Variants in TMEM132D observed in about 807,000 individuals in gnomAD.
The protein encoded by TMEM132D is mature OL transmembrane protein.
A neutral mutation model predicts 62.3 loss-of-function variants in TMEM132D; 21 were observed. The ratio of observed to expected loss-of-function variants is 0.34; its 90% CI spans 0.24 to 0.49. The LOEUF is 0.49. Among genes scored for constraint, TMEM132D ranks in the 20% least tolerant of loss-of-function variants. The probability of loss-of-function intolerance (pLI) is 0.99; values close to 1 mark genes in which losing one functional copy is unlikely to be tolerated. For missense variants in TMEM132D, 1,346 were observed against 1,402.8 expected (o/e 0.96, Z 0.65); for synonymous variants, 621 against 575.6 (o/e 1.08, Z -1.13).
rs1286651952 is a variant in TMEM132D, at chr12:129,088,239, C to T, written c.1444-3537G>A. Among the ~76,000 whole-genome samples the T allele has an allele frequency of 6.7e-5, 2 of 29,980 alleles. 1 individual carries two copies. Among genetic ancestry groups the T allele is most frequent in the Non-Finnish European group, 1.2e-4 (2 of 17,188 alleles). 19.7% of individuals were successfully genotyped at this position (29,980 alleles called of 152,430 possible). A position where few individuals can be genotyped will look rare whatever the true frequency, so the allele number is the denominator to read the frequency against. ...TCCATGACCGGGTGTCCTCCATGAC[C>T]GGGGTGTCCTCTATGACTGGGTGTC... On this transcript the variant is annotated intron_variant, in intron 5 of 8. Transcript: ENST00000422113.
At chr12:129,126,402 C>T (rs1283283698) in intron 5 of TMEM132D, among the ~76,000 whole-genome samples, 1 of 150,416 alleles carries the variant, frequency 6.6e-6, no homozygotes, top group Non-Finnish European at 1.5e-5. Flanking sequence ...ATTTTTTGGC[C>T]CCTTCAACCT....
At chr12:129,391,102 TAA>T (rs1490173736) in intron 3 of TMEM132D, among the ~76,000 whole-genome samples, 1 of 152,240 alleles carries the variant, frequency 6.6e-6, no homozygotes, top group Admixed American at 6.5e-5. Flanking sequence ...TCCCTTGTTC[TAA>T]GTCATTCCCA....
chr12:129,736,254 C>T (rs181415647), intron 1 of TMEM132D, among the ~76,000 whole-genome samples: 165 of 152,284 alleles, frequency 1.1e-3, no homozygotes, highest in Admixed American at 2.0e-3. Flanking sequence ...CAGTGTGATA[C>T]TTCTTTTTTA....
intron 1 of TMEM132D, among the ~76,000 whole-genome samples, chr12:129,768,993 C>G (rs1386377841): frequency 6.6e-6 from 1 of 152,152 alleles, no homozygotes; most frequent in Admixed American, 6.5e-5. Flanking sequence ...GCTCCTCGAG[C>G]CCACATCAAG....
intron 4 of TMEM132D, among the ~76,000 whole-genome samples, chr12:129,210,540 G>A (rs1028936015): frequency 5.3e-5 from 8 of 152,088 alleles, no homozygotes; most frequent in African/African-American, 1.4e-4. Flanking sequence ...GGGATGTCCC[G>A]GCTTGCCCCA....
At chr12:129,213,154 T>C (rs1879102211) in intron 4 of TMEM132D, among the ~76,000 whole-genome samples, 1 of 152,186 alleles carries the variant, frequency 6.6e-6, no homozygotes, top group South Asian at 2.1e-4. Flanking sequence ...TCACGACATA[T>C]ATTGTATATT....
At chr12:129,145,357 C>T (rs1341834163) in intron 5 of TMEM132D, among the ~76,000 whole-genome samples, 4 of 152,042 alleles carry the variant, frequency 2.6e-5, no homozygotes, top group South Asian at 4.1e-4. Flanking sequence ...TTTTACTTGG[C>T]GGGTGGGGGG....
intron 2 of TMEM132D, among the ~76,000 whole-genome samples, chr12:129,603,592 A>G (rs1235994554): frequency 6.6e-6 from 1 of 152,248 alleles, no homozygotes; most frequent in Non-Finnish European, 1.5e-5. Context: ...TGGTCATTAG[A>G]GAAATGCAAA....
At chr12:129,278,491 C>G (rs563321693) in intron 4 of TMEM132D, among the ~76,000 whole-genome samples, 1 of 152,124 alleles carries the variant, frequency 6.6e-6, no homozygotes, top group African/African-American at 2.4e-5. Flanking sequence ...TCCATCTTAA[C>G]CCCCGTCTTG....
intron 3 of TMEM132D, among the ~76,000 whole-genome samples, chr12:129,413,265 G>C (rs1000524991): frequency 3.9e-5 from 6 of 152,242 alleles, no homozygotes; most frequent in Admixed American, 2.6e-4. Flanking sequence ...TCTTGTGGTA[G>C]TGAATAAGTC....
chr12:129,418,989 A>C (rs367919347), intron 3 of TMEM132D, among the ~76,000 whole-genome samples: 2 of 152,160 alleles, frequency 1.3e-5, no homozygotes, highest in East Asian at 3.9e-4. Context: ...CTGAGGATGC[A>C]GGGAAGGAAC....
chr12:129,300,189 G>C (rs183954361), intron 4 of TMEM132D, among the ~76,000 whole-genome samples: 1 of 152,274 alleles, frequency 6.6e-6, no homozygotes, highest in African/African-American at 2.4e-5. Flanking sequence ...ACTTAATTAA[G>C]ATGCAGGAGT....
rs774232717 is a variant in TMEM132D, at chr12:129,075,000, A to G, written c.2175T>C (p.Ile725=). The G allele has an allele frequency of 1.2e-6, 2 of 1,613,788 alleles. No homozygotes were observed. Among genetic ancestry groups the G allele is most frequent in the South Asian group, 1.1e-5 (1 of 91,064 alleles). The part of the protein sequence containing the change: ...FSDGSVTPLD[I]YDGKDFSLMA... ...TCAAGGAGAAGTCTTTCCCATCGTAAATATCCAAGGGCGTGACTGAGCCAT... is the reference window on the plus strand; with the variant it reads ...TCAAGGAGAAGTCTTTCCCATCGTAGATATCCAAGGGCGTGACTGAGCCAT... The change falls in exon 9 of 9, where the codon ATT becomes ATC. Residue 725 remains isoleucine, a synonymous_variant. Transcript: ENST00000422113.
In TMEM132D at chr12:129,597,007, G is replaced by A. The variant is rs181093007; in HGVS notation, c.969-65802C>T. ...CTAAATGCTATGTTATGGTTGAAAC[G>A]CAGGTGAGAGTGTGAATACAATATT... On this transcript the variant is annotated intron_variant, in intron 2 of 8. Transcript: ENST00000422113. Among the ~76,000 whole-genome samples, 246 of 152,298 alleles carry A rather than the reference G, an allele frequency of 1.6e-3. 2 individuals are homozygous for A. The highest frequency in any genetic ancestry group is 5.6e-3 in the African/African-American group (234 of 41,564).
At chr12:129,202,813 C>A (rs896442182) in intron 5 of TMEM132D, among the ~76,000 whole-genome samples, 1 of 152,174 alleles carries the variant, frequency 6.6e-6, no homozygotes, top group African/African-American at 2.4e-5. Context: ...TATTACACCT[C>A]CAGGGAAAAC....
At chr12:129,615,392 A>T (rs1387685621) in intron 2 of TMEM132D, among the ~76,000 whole-genome samples, 2 of 151,906 alleles carry the variant, frequency 1.3e-5, no homozygotes, top group African/African-American at 4.8e-5. Flanking sequence ...ATCGTCACAG[A>T]TATGGTGACT....
At chr12:129,542,658 G>A (rs1024642971) in intron 2 of TMEM132D, among the ~76,000 whole-genome samples, 2 of 151,920 alleles carry the variant, frequency 1.3e-5, no homozygotes, top group South Asian at 2.1e-4. Flanking sequence ...ATGACAACAC[G>A]CTGTACACAC....
chr12:129,634,106 G>C (rs575497093), intron 2 of TMEM132D, among the ~76,000 whole-genome samples: 1 of 152,084 alleles, frequency 6.6e-6, no homozygotes, highest in African/African-American at 2.4e-5. Context: ...GCGTTGTCAC[G>C]TGTGGGAAGG....
intron 1 of TMEM132D, among the ~76,000 whole-genome samples, chr12:129,830,785 A>T (rs535442985): frequency 6.6e-6 from 1 of 152,236 alleles, no homozygotes; most frequent in South Asian, 2.1e-4. Flanking sequence ...AAAGTTAGTT[A>T]TTATTATTAC....
Sources: allele counts gnomAD v4.1 joint callset (sites outside exome capture counted in the v4.1 genomes callset), GRCh38; gene constraint gnomAD v4.1.1; transcripts MANE v1.5; gene names NCBI Gene and HGNC (gene_info 2026-07-23, HGNC 2026-07-21).